The following TAFA5 variants were observed in gnomAD, a reference collection of about 807,000 sequenced individuals.
TAFA5 encodes the protein TAFA chemokine like family member 5, also known as chemokine-like protein TAFA-5.
A neutral mutation model predicts 15.3 loss-of-function variants in TAFA5; 6 were observed. The observed-to-expected ratio is 0.39, with a 90% CI of 0.21 to 0.77. TAFA5 has a LOEUF of 0.77. Ranked by LOEUF, TAFA5 falls within the 30% of genes least tolerant of loss-of-function variation. The pLI is 0.41. For missense variants in TAFA5, 161 were observed against 193.1 expected (o/e 0.83, Z 0.98); for synonymous variants, 103 against 80.7 (o/e 1.28, Z -1.48).
chr22:48,491,789 C>T (rs983555776), intron 1 of TAFA5, among the ~76,000 whole-genome samples: 1 of 152,204 alleles, frequency 6.6e-6, no homozygotes, highest in Non-Finnish European at 1.5e-5. Context: ...GACATCTGAG[C>T]CTGCTGCTTA....
chr22:48,663,217 A>C (rs1409333904), intron 2 of TAFA5, among the ~76,000 whole-genome samples: 1 of 152,222 alleles, frequency 6.6e-6, no homozygotes, highest in Admixed American at 6.5e-5. Context: ...TGGGAAGGGA[A>C]GGATATTTCT....
At chr22:48,597,279 G>A (rs1324661201) in intron 1 of TAFA5, among the ~76,000 whole-genome samples, 1 of 152,044 alleles carries the variant, frequency 6.6e-6, no homozygotes, top group Admixed American at 6.6e-5. Context: ...CCCATCACCC[G>A]GGCCTCAGTT....
At position 48,617,473 on chromosome 22, in the gene TAFA5, G is replaced by A. The variant is rs147829970; in HGVS notation, c.113-29124G>A. On this transcript the variant is annotated intron_variant, in intron 1 of 3. Transcript: ENST00000402357. ...TTCGGGGCCTGGTTTGAGGCCATTC[G>A]TTACTGCAGCCGTGTGGAGCTCCTG... Among the ~76,000 whole-genome samples the A allele has an allele frequency of 9.2e-5, 14 of 152,294 alleles. No individual in the cohort carries two copies. The East Asian group carries it at 1.2e-3, about 13-fold the overall frequency.
chr22:48,494,869 TA>T (rs1411944497), intron 1 of TAFA5, among the ~76,000 whole-genome samples: 1 of 152,204 alleles, frequency 6.6e-6, no homozygotes. Flanking sequence ...GCGAATGTGG[TA>T]GAGGGCTCCC....
rs1923194140 is a variant in TAFA5, at chr22:48,560,568, T to G, written c.112+70864T>G. On this transcript the variant is annotated intron_variant, in intron 1 of 3. Coordinates refer to ENST00000402357, the MANE Select transcript of TAFA5 (RefSeq NM_001082967.3). The surrounding 1 kb of genome is among the most constrained non-coding windows in gnomAD (Gnocchi z 4.2). ...ACTGGGCCATGAAAAACGTTGTATT[T>G]TATTATTATTATTATTATTATTATA... 9.2e-6 allele frequency among the ~76,000 whole-genome samples: 1 copy of G among 108,216 alleles called. No homozygotes were observed. Among genetic ancestry groups the G allele is most frequent in the Non-Finnish European group, 1.9e-5 (1 of 53,362 alleles). The allele number at this position is 108,216 out of a possible 152,430, so 71.0% of individuals were successfully genotyped here.
chr22:48,495,053 G>A (rs1928279142), intron 1 of TAFA5, among the ~76,000 whole-genome samples: 1 of 152,202 alleles, frequency 6.6e-6, no homozygotes, highest in Non-Finnish European at 1.5e-5. Context: ...GGGACGGTGG[G>A]TCTGGGCCCA....
At chr22:48,631,991 C>T (rs1041180770) in intron 1 of TAFA5, among the ~76,000 whole-genome samples, 5 of 152,146 alleles carry the variant, frequency 3.3e-5, no homozygotes, top group Admixed American at 6.5e-5. Flanking sequence ...ACACACGGCT[C>T]GGTACAGGGC....
intron 3 of TAFA5, among the ~76,000 whole-genome samples, chr22:48,709,883 G>C (rs1051755903): frequency 1.3e-5 from 2 of 152,268 alleles, no homozygotes; most frequent in Non-Finnish European, 2.9e-5. Context: ...CGAGGTGCTT[G>C]TCAGGAACAG....
intron 1 of TAFA5, among the ~76,000 whole-genome samples, chr22:48,541,530 T>G (rs1449747257): frequency 6.6e-6 from 1 of 152,206 alleles, no homozygotes; most frequent in Non-Finnish European, 1.5e-5. Flanking sequence ...GCTGTTTTCC[T>G]TGTCCCAGGT....
At chr22:48,725,909 C>G (rs986697438) in intron 3 of TAFA5, among the ~76,000 whole-genome samples, 5 of 152,130 alleles carry the variant, frequency 3.3e-5, no homozygotes, top group Non-Finnish European at 4.4e-5. Context: ...GAAAGTTACT[C>G]GAGCTGGAGG....
At chr22:48,638,764 C>G (rs1926561583) in intron 1 of TAFA5, among the ~76,000 whole-genome samples, 1 of 44,964 alleles carries the variant, frequency 2.2e-5, no homozygotes, top group African/African-American at 1.2e-4. Context: ...ACAGGCGGGA[C>G]CCCCCCCATC....
At chr22:48,655,775 G>A (rs2147209698) in intron 2 of TAFA5, among the ~76,000 whole-genome samples, 1 of 151,602 alleles carries the variant, frequency 6.6e-6, no homozygotes, top group Admixed American at 6.6e-5. Flanking sequence ...GCAGAGGAGG[G>A]ACAGTGTGGT....
At chr22:48,586,882 A>C (rs924230016) in intron 1 of TAFA5, among the ~76,000 whole-genome samples, 3 of 152,186 alleles carry the variant, frequency 2.0e-5, no homozygotes, top group Non-Finnish European at 4.4e-5. Flanking sequence ...TGTCCCCTGG[A>C]TGGCAGGATG....
chr22:48,722,969 C>A (rs187926695), intron 3 of TAFA5, among the ~76,000 whole-genome samples: 1 of 152,174 alleles, frequency 6.6e-6, no homozygotes, highest in Admixed American at 6.5e-5. Flanking sequence ...CAGGGGAGCC[C>A]GTCTTCTCCT....
At chr22:48,612,646 G>C (rs183469225) in intron 1 of TAFA5, among the ~76,000 whole-genome samples, 2 of 151,964 alleles carry the variant, frequency 1.3e-5, no homozygotes, top group African/African-American at 4.8e-5. Context: ...TCCCTTTCCC[G>C]GAGTGTCTCC....
intron 3 of TAFA5, among the ~76,000 whole-genome samples, chr22:48,708,242 C>G (rs1242122258): frequency 6.6e-6 from 1 of 152,150 alleles, no homozygotes; most frequent in African/African-American, 2.4e-5. Context: ...CCCCAGGGCA[C>G]GGCGGGGGTT....
intron 2 of TAFA5, among the ~76,000 whole-genome samples, chr22:48,698,570 A>G (rs1667690799): frequency 6.6e-6 from 1 of 151,288 alleles, no homozygotes; most frequent in African/African-American, 2.4e-5. Context: ...AGTGCCATGC[A>G]GGGAGGCTGA....
intron 2 of TAFA5, among the ~76,000 whole-genome samples, chr22:48,657,665 G>T (rs1345072396): frequency 6.6e-6 from 1 of 152,188 alleles, no homozygotes; most frequent in Non-Finnish European, 1.5e-5. Context: ...TGTCTCTCCT[G>T]CAGCACCACC....
chr22:48,723,517 T>C (rs777091394), intron 3 of TAFA5, among the ~76,000 whole-genome samples: 6 of 152,146 alleles, frequency 3.9e-5, no homozygotes, highest in Non-Finnish European at 5.9e-5. Flanking sequence ...CCATAGGCTT[T>C]GGGCATGATT....
Sources: gnomAD v4.1 joint callset for allele counts (sites outside exome capture counted in the v4.1 genomes callset) on GRCh38, gnomAD v4.1.1 for gene constraint, Gnocchi (gnomAD v3.1) non-coding constraint, MANE v1.5 for transcripts, NCBI Gene and HGNC (gene_info 2026-07-23, HGNC 2026-07-21) for gene names.